The following RPTOR variants were observed in gnomAD, a reference collection of about 807,000 sequenced individuals.
RPTOR encodes regulatory-associated protein of mTOR.
Under a neutral mutation model 169.9 loss-of-function variants are expected in RPTOR, and 21 were observed. The observed-to-expected ratio is 0.12, with a 90% confidence interval of 0.09 to 0.18. The LOEUF (loss-of-function observed/expected upper bound fraction) is 0.18, where lower values mean the gene tolerates loss of function less well. RPTOR is among the 10% of genes least tolerant of loss of function. RPTOR has a pLI of 1.00. For synonymous variants in RPTOR, 732 were observed against 753.2 expected (o/e 0.97, Z 0.46); for missense variants, 1,133 against 1,855.9 (o/e 0.61, Z 7.16).
chr17:80,893,479 G>A (rs970614960), intron 19 of RPTOR, among the ~76,000 whole-genome samples: 13 of 86,326 alleles, frequency 1.5e-4, no homozygotes, highest in Admixed American at 7.4e-4. Flanking sequence ...GTCTGTACGC[G>A]CCAGGGTGTG....
chr17:80,944,711 C>T (rs28599685), intron 25 of RPTOR, among the ~76,000 whole-genome samples: 2,861 of 152,276 alleles, frequency 0.019, 93 homozygotes, highest in African/African-American at 0.065. Flanking sequence ...GACTGGCTTG[C>T]CGGGCATGGT....
chr17:80,817,639 G>A (rs1311770504), intron 7 of RPTOR, among the ~76,000 whole-genome samples: 1 of 152,108 alleles, frequency 6.6e-6, no homozygotes, highest in African/African-American at 2.4e-5. Context: ...AGGTCCGGGA[G>A]AAGGGGTGGG....
At chr17:80,925,757 T>A (rs1005447165) in intron 24 of RPTOR, among the ~76,000 whole-genome samples, 1 of 152,226 alleles carries the variant, frequency 6.6e-6, no homozygotes, top group Non-Finnish European at 1.5e-5. Context: ...TCCCACTCCC[T>A]AATGGTGAGG....
intron 3 of RPTOR, among the ~76,000 whole-genome samples, chr17:80,688,862 A>G (rs988196704): frequency 1.3e-5 from 2 of 152,244 alleles, no homozygotes; most frequent in African/African-American, 4.8e-5. Flanking sequence ...ATGTTGGAAC[A>G]CAGACTCTCT....
intron 17 of RPTOR, 138 bp downstream of exon 17, chr17:80,885,286 C>T (rs1475533526): frequency 1.9e-5 from 20 of 1,070,928 alleles, no homozygotes; most frequent in Non-Finnish European, 2.5e-5. Context: ...CAGATCTTTA[C>T]ATGTTTCATT....
Position 80,922,762 on chromosome 17 carries a change from C to A in RPTOR, c.2559C>A (p.Thr853=). 6.3e-7 allele frequency: 1 copy of A among 1,587,728 alleles called. No individual in the cohort carries two copies. The highest frequency in any genetic ancestry group is 2.3e-5 in the East Asian group (1 of 43,228). Residue 853 remains threonine (T), a synonymous_variant, in exon 22 of 34, where the codon ACC becomes ACA. Coordinates refer to ENST00000306801, the MANE Select transcript of RPTOR (RefSeq NM_020761.3). The part of the protein sequence containing the change: ...VNARPQRVLD[T]SSLTQSAPAS... ...CCCGGCCGCAGCGCGTCCTGGACACCTCCTCCCTCACGCAGTCGGCCCCCG... is the reference window on the plus strand; with the variant it reads ...CCCGGCCGCAGCGCGTCCTGGACACATCCTCCCTCACGCAGTCGGCCCCCG...
intron 3 of RPTOR, among the ~76,000 whole-genome samples, chr17:80,700,324 G>A (rs2143049126): frequency 6.6e-6 from 1 of 152,274 alleles, no homozygotes; most frequent in Admixed American, 6.5e-5. Context: ...GTGAAACAAG[G>A]CTGGAGGATA....
At chr17:80,556,879 A>C (rs975273537) in intron 1 of RPTOR, among the ~76,000 whole-genome samples, 3 of 152,030 alleles carry the variant, frequency 2.0e-5, no homozygotes, top group Non-Finnish European at 4.4e-5. Flanking sequence ...GGGTCACCTG[A>C]GGTCAGGAGT....
intron 1 of RPTOR, among the ~76,000 whole-genome samples, chr17:80,601,028 ATGGCGCTCT>A (rs1454631651): frequency 6.6e-6 from 1 of 152,110 alleles, no homozygotes; most frequent in Non-Finnish European, 1.5e-5. Context: ...TGGATGGGAA[ATGGCGCTCT>A]TGGCTGGTGT....
intron 4 of RPTOR, among the ~76,000 whole-genome samples, chr17:80,727,895 T>C (rs563059789): frequency 6.0e-4 from 92 of 152,352 alleles, no homozygotes; most frequent in African/African-American, 2.1e-3. Flanking sequence ...CCATACAAGC[T>C]TCATTAATTT....
intron 21 of RPTOR, among the ~76,000 whole-genome samples, chr17:80,919,959 C>G (rs1482486033): frequency 6.6e-6 from 1 of 152,250 alleles, no homozygotes; most frequent in Admixed American, 6.5e-5. Context: ...GTCCTCCAGG[C>G]AGGCCTGGGC....
At chr17:80,848,366 G>A (rs1257048288) in intron 11 of RPTOR, among the ~76,000 whole-genome samples, 1 of 152,204 alleles carries the variant, frequency 6.6e-6, no homozygotes, top group Non-Finnish European at 1.5e-5. Flanking sequence ...TTTGGACATT[G>A]CAAAAAGAAT....
chr17:80,732,771 CAT>C (rs1250859664), intron 5 of RPTOR, among the ~76,000 whole-genome samples: 1 of 152,308 alleles, frequency 6.6e-6, no homozygotes, highest in Non-Finnish European at 1.5e-5. Context: ...GCTTAATGTT[CAT>C]TTTAGTAATT....
chr17:80,774,425 A>T, intron 6 of RPTOR: 1 of 883,956 alleles, frequency 1.1e-6, no homozygotes, highest in Non-Finnish European at 1.4e-6. Context: ...AGGACTTGTC[A>T]AAGCAGACGT....
intron 6 of RPTOR, chr17:80,774,085 C>A (rs2066870226): frequency 1.0e-6 from 1 of 985,380 alleles, no homozygotes; most frequent in Non-Finnish European, 1.2e-6. Flanking sequence ...ATTGTGTTCA[C>A]TAGAAACACC....
chr17:80,783,741 A>C (rs1238551154), intron 6 of RPTOR, among the ~76,000 whole-genome samples: 2 of 152,224 alleles, frequency 1.3e-5, no homozygotes, highest in Non-Finnish European at 2.9e-5. Flanking sequence ...TGAGGTGTTC[A>C]TCTGTATTTC....
chr17:80,747,459 G>A (rs531563466), intron 5 of RPTOR, among the ~76,000 whole-genome samples: 1 of 152,264 alleles, frequency 6.6e-6, no homozygotes, highest in East Asian at 1.9e-4. Context: ...TACTTTGGGG[G>A]GCTTCTTAAA....
Position 80,965,752 on chromosome 17 carries a change from A to T in RPTOR, c.*1422A>T, listed in dbSNP as rs2069419879. 1 of 233,228 alleles carries T rather than the reference A, an allele frequency of 4.3e-6. No homozygotes were observed. The allele number at this position is 233,228 out of a possible 1,614,324, so 14.4% of individuals were successfully genotyped here. On this transcript the variant is annotated 3_prime_UTR_variant, in exon 34 of 34. Transcript: ENST00000306801. ...TTGGCCAGAGACACACCTGGCCCTC[A>T]GGGGGCTGAGCTGGAGACTGAGCTG...
rs1316429908 is a variant in RPTOR at position 80,625,772 on chromosome 17, G to C, written c.244G>C (p.Ala82Pro). 6.2e-7 allele frequency: 1 copy of C among 1,612,260 alleles called. No homozygotes were observed. The change falls in exon 2 of 34, where the codon GCA (alanine) becomes CCA (proline). Residue 82 changes from alanine to proline, a missense_variant. Coordinates refer to ENST00000306801, the MANE Select transcript of RPTOR (RefSeq NM_020761.3). ...PPDVVKTTPC[A>P]RLECWIDPLS... ...CGATGTGGTGAAGACCACGCCCTGT[G>C]CACGCTTGGAATGCTGGATCGGTGA... is the stretch of plus-strand genomic sequence containing the variant.
Sources: allele counts gnomAD v4.1 joint callset (sites outside exome capture counted in the v4.1 genomes callset), GRCh38; gene constraint gnomAD v4.1.1; transcripts MANE v1.5; gene names NCBI Gene and HGNC (gene_info 2026-07-23, HGNC 2026-07-21).